The following NTRK3 variants were observed in gnomAD, a reference collection of about 807,000 sequenced individuals.
The protein encoded by NTRK3 is NT-3 growth factor receptor.
Under a neutral mutation model 91.7 loss-of-function variants are expected in NTRK3, and 24 were observed. That is an observed-to-expected ratio of 0.26 (90% CI 0.19 to 0.37). The LOEUF is 0.37. Ranked by LOEUF, NTRK3 falls within the 10% of genes least tolerant of loss-of-function variation. The pLI, the probability that NTRK3 is intolerant of heterozygous loss-of-function variation, is 1.00. For synonymous variants in NTRK3, 483 were observed against 404.0 expected (o/e 1.20, Z -2.34); for missense variants, 880 against 1,068.9 (o/e 0.82, Z 2.46).
At chr15:87,868,074 A>G (rs1567049504) in exon 19 of NTRK3, 2 of 231,708 alleles carry the variant, frequency 8.6e-6, no homozygotes, top group Non-Finnish European at 1.7e-5. Context: ...TGCACACTTC[A>G]TTGCAAATGC....
chr15:88,232,207 G>C (rs1256326377), intron 3 of NTRK3, among the ~76,000 whole-genome samples: 1 of 152,036 alleles, frequency 6.6e-6, no homozygotes, highest in Non-Finnish European at 1.5e-5. Context: ...GGTCCTACCT[G>C]TACAGCCAGG....
chr15:87,941,568 G>A (rs1347898413), intron 14 of NTRK3, among the ~76,000 whole-genome samples: 1 of 152,078 alleles, frequency 6.6e-6, no homozygotes, highest in African/African-American at 2.4e-5. Flanking sequence ...TCATGACAGA[G>A]ACTACTAACG....
chr15:88,217,477 G>A (rs1487877434), intron 3 of NTRK3, among the ~76,000 whole-genome samples: 2 of 152,266 alleles, frequency 1.3e-5, no homozygotes, highest in East Asian at 3.9e-4. Context: ...AGGACATTAT[G>A]CTAAGTGAAA....
chr15:87,998,051 T>G (rs1303595442), intron 14 of NTRK3, among the ~76,000 whole-genome samples: 1 of 152,214 alleles, frequency 6.6e-6, no homozygotes, highest in Non-Finnish European at 1.5e-5. Flanking sequence ...TTGGACCAGA[T>G]AATTCTTGGT....
chr15:88,122,383 A>G (rs985770924), intron 13 of NTRK3, among the ~76,000 whole-genome samples: 1 of 152,178 alleles, frequency 6.6e-6, no homozygotes, highest in Non-Finnish European at 1.5e-5. Context: ...GAGACAGCTG[A>G]CAGAGACACA....
At chr15:88,087,631 T>C (rs1031175993) in intron 13 of NTRK3, among the ~76,000 whole-genome samples, 1 of 152,202 alleles carries the variant, frequency 6.6e-6, no homozygotes, top group Admixed American at 6.5e-5. Flanking sequence ...TACATGGACT[T>C]ATGAGGGCTT....
At chr15:88,066,688 A>G (rs886941092) in intron 13 of NTRK3, among the ~76,000 whole-genome samples, 3 of 152,300 alleles carry the variant, frequency 2.0e-5, no homozygotes, top group East Asian at 3.9e-4. Context: ...GAGGACCTGC[A>G]GGCAGAGCCT....
rs558698729 is a variant in NTRK3 at position 88,183,283 on chromosome 15, A to G, written c.395+135T>C. Reference sequence around the variant, plus strand: ...AATCCTTTTAAGAGGCAAAATTGGAAGCCCAATAAAGTTCAAAACCTTGCC... The same window carrying G: ...AATCCTTTTAAGAGGCAAAATTGGAGGCCCAATAAAGTTCAAAACCTTGCC... On this transcript the variant is annotated intron_variant, in intron 5 of 18. Coordinates refer to ENST00000394480, the Ensembl canonical transcript of NTRK3. 8.7e-6 allele frequency: 7 copies of G among 806,098 alleles called. No individual in the cohort carries two copies. The Admixed American group carries it at 1.4e-4, about 16-fold the overall frequency. 49.9% of individuals were successfully genotyped at this position (806,098 alleles called of 1,614,324 possible). A position where few individuals can be genotyped will look rare whatever the true frequency, so the allele number is the denominator to read the frequency against.
intron 5 of NTRK3, among the ~76,000 whole-genome samples, chr15:88,183,018 C>G (rs1333840966): frequency 2.2e-5 from 3 of 134,690 alleles, no homozygotes; most frequent in African/African-American, 5.4e-5. Flanking sequence ...TGCAACCCCC[C>G]CCCGCCCCCC....
chr15:87,888,870 C>T (rs2141548426), intron 17 of NTRK3, among the ~76,000 whole-genome samples: 1 of 152,186 alleles, frequency 6.6e-6, no homozygotes, highest in South Asian at 2.1e-4. Context: ...AGGAAGTTGA[C>T]ATTATGCTCC....
chr15:88,126,907 G>T (rs535791129), intron 12 of NTRK3, among the ~76,000 whole-genome samples: 1 of 152,160 alleles, frequency 6.6e-6, no homozygotes, highest in African/African-American at 2.4e-5. Context: ...CTGCAAATCA[G>T]GCCCAGCTGG....
intron 14 of NTRK3, among the ~76,000 whole-genome samples, chr15:87,967,425 A>G (rs976824821): frequency 1.1e-4 from 16 of 152,190 alleles, no homozygotes; most frequent in African/African-American, 3.9e-4. Context: ...CTTAGGAGAA[A>G]GAGGAAGGAG....
At chr15:88,020,931 G>A (rs1385945429) in intron 14 of NTRK3, among the ~76,000 whole-genome samples, 2 of 152,208 alleles carry the variant, frequency 1.3e-5, no homozygotes, top group Non-Finnish European at 2.9e-5. Context: ...TGGAAACAGT[G>A]ACTTTGAGAA....
At chr15:87,954,383 C>G (rs2071464390) in intron 14 of NTRK3, among the ~76,000 whole-genome samples, 1 of 152,212 alleles carries the variant, frequency 6.6e-6, no homozygotes, top group African/African-American at 2.4e-5. Flanking sequence ...AATGACCAGA[C>G]AGCTATACCT....
intron 13 of NTRK3, among the ~76,000 whole-genome samples, chr15:88,054,341 A>G (rs570390646): frequency 1.3e-5 from 2 of 152,284 alleles, no homozygotes; most frequent in South Asian, 2.1e-4. Context: ...TTCTGATCTA[A>G]GTGTCCTCTG....
chr15:87,904,521 C>A (rs902826949), intron 17 of NTRK3, among the ~76,000 whole-genome samples: 1 of 152,086 alleles, frequency 6.6e-6, no homozygotes, highest in Non-Finnish European at 1.5e-5. Context: ...TTCATCTCAC[C>A]CCTGAAATCC....
intron 14 of NTRK3, among the ~76,000 whole-genome samples, chr15:88,031,439 C>T (rs1412606741): frequency 6.6e-6 from 1 of 152,216 alleles, no homozygotes; most frequent in Non-Finnish European, 1.5e-5. Flanking sequence ...CCAGGCCAGT[C>T]CTGGGGTGAG....
chr15:87,884,673 T>C (rs184564636), intron 17 of NTRK3, among the ~76,000 whole-genome samples: 227 of 151,914 alleles, frequency 1.5e-3, no homozygotes, highest in African/African-American at 5.1e-3. Context: ...AGGTTTACCC[T>C]AGAAATGTAA....
intron 3 of NTRK3, among the ~76,000 whole-genome samples, chr15:88,236,474 A>T (rs905755314): frequency 1.3e-4 from 19 of 148,494 alleles, no homozygotes; most frequent in African/African-American, 4.7e-4. Flanking sequence ...GGAGTTCAAG[A>T]CCAGCCTGAG....
Sources: gnomAD v4.1 joint callset for allele counts (sites outside exome capture counted in the v4.1 genomes callset) on GRCh38, gnomAD v4.1.1 for gene constraint, MANE v1.5 for transcripts, NCBI Gene and HGNC (gene_info 2026-07-23, HGNC 2026-07-21) for gene names.